Variants in BCL9 observed in about 807,000 individuals in gnomAD.
BCL9 encodes the protein BCL9 transcription coactivator, also known as B-cell CLL/lymphoma 9 protein.
A neutral mutation model predicts 88.5 loss-of-function variants in BCL9; 25 were observed. The ratio of observed to expected loss-of-function variants is 0.28; its 90% CI spans 0.21 to 0.39. The LOEUF is 0.39. BCL9 is among the 10% of genes least tolerant of loss of function. The pLI, the probability that BCL9 is intolerant of heterozygous loss-of-function variation, is 1.00. For missense variants in BCL9, 1,817 were observed against 1,877.8 expected, an observed-to-expected ratio of 0.97 and a Z score of 0.60; for synonymous variants, 711 against 673.3, an observed-to-expected ratio of 1.06 and a Z score of -0.87.
intron 7 of BCL9, 75 bp from the exon 8 acceptor site, chr1:147,618,741 A>G: frequency 2.9e-6 from 4 of 1,365,802 alleles, no homozygotes; most frequent in Non-Finnish European, 3.9e-6. Flanking sequence ...CAATTCCTTT[A>G]TAACATATCT....
At chr1:147,549,047 G>C (rs1198813462) in intron 1 of BCL9, among the ~76,000 whole-genome samples, 1 of 132,904 alleles carries the variant, frequency 7.5e-6, no homozygotes, top group East Asian at 2.2e-4. Flanking sequence ...TGAGATCTCG[G>C]CTCACTGCAA....
rs587761744 is a variant in BCL9 at position 147,570,928 on chromosome 1, C to T, written c.-478+29254C>T. Among the ~76,000 whole-genome samples, 7 of 152,044 alleles carry T rather than the reference C, an allele frequency of 4.6e-5. No individual in the cohort carries two copies. The South Asian group carries it at 1.5e-3, about 32-fold the overall frequency. ...GGGATTACAGGTGTGAGCCACTGTG[C>T]CCAGCCCATTGACTGATTTTCTTTT... On this transcript the variant is annotated intron_variant, in intron 1 of 9. Transcript: ENST00000234739.
rs113175238 is a variant in BCL9, at chr1:147,554,935, A to C, written c.-478+13261A>C. ...TACACACCACCTTTCTTTCTCTTCA[A>C]TCTCCTACTTCTTAATGATCTTGGC... On this transcript the variant is annotated intron_variant, in intron 1 of 9. Transcript: ENST00000234739. 7.4e-3 allele frequency among the ~76,000 whole-genome samples: 1,124 copies of C among 152,150 alleles called. 12 individuals carry two copies. The highest frequency in any genetic ancestry group is 0.025 in the African/African-American group (1,031 of 41,496).
At chr1:147,598,585 C>A (rs1453064045) in intron 1 of BCL9, among the ~76,000 whole-genome samples, 1 of 152,168 alleles carries the variant, frequency 6.6e-6, no homozygotes, top group Admixed American at 6.5e-5. Flanking sequence ...GGAATAAGTA[C>A]CCTGGTTAAA....
intron 1 of BCL9, among the ~76,000 whole-genome samples, chr1:147,602,118 C>T (rs902543831): frequency 1.3e-5 from 2 of 151,818 alleles, no homozygotes; most frequent in Non-Finnish European, 2.9e-5. Flanking sequence ...CCAGGGTGGT[C>T]TCGAGCTCCT....
In BCL9 at chr1:147,600,463, G is replaced by C. The variant is rs1192174754; in HGVS notation, c.-477-4314G>C. 2.0e-5 allele frequency: 3 copies of C among 151,986 alleles called. No individual in the cohort carries two copies. In the East Asian group the frequency reaches 5.9e-4, roughly 30 times the overall value. 9.4% of individuals were successfully genotyped at this position (151,986 alleles called of 1,614,324 possible). On this transcript the variant is annotated intron_variant, in intron 1 of 9. Transcript: ENST00000234739. ...TAGCCACAGCCGCGAAGAGCGGGGTGGAGGGGGGCAGAAAAGGGGCGGGGG... is the reference window on the plus strand; with the variant it reads ...TAGCCACAGCCGCGAAGAGCGGGGTCGAGGGGGGCAGAAAAGGGGCGGGGG...
rs1553204778 is a variant in BCL9 at position 147,619,840 on chromosome 1, T to A, written c.1685T>A (p.Leu562His). ...HPNMPGSQMR[L>H]PGFAGMINSE... is the part of the protein sequence containing the mutation. Reference sequence around the variant, plus strand: ...AACATGCCAGGGAGCCAGATGCGCCTCCCTGGATTTGCAGGCATGATAAAC... The same window carrying A: ...AACATGCCAGGGAGCCAGATGCGCCACCCTGGATTTGCAGGCATGATAAAC... Residue 562 changes from leucine (L) to histidine (H), a missense_variant, in exon 8 of 10, where the codon CTC (leucine) becomes CAC (histidine). Transcript: ENST00000234739. This position sits in a 1 kb window ranked among gnomAD's most constrained non-coding sequence, Gnocchi z 4.1. The A allele has an allele frequency of 2.5e-6, 4 of 1,614,126 alleles. No homozygotes were observed. The highest frequency in any genetic ancestry group is 3.4e-6 in the Non-Finnish European group (4 of 1,180,002).
intron 1 of BCL9, among the ~76,000 whole-genome samples, chr1:147,543,470 G>T (rs1654422182): frequency 6.6e-6 from 1 of 152,214 alleles, no homozygotes; most frequent in African/African-American, 2.4e-5. Flanking sequence ...TATGGGAAAA[G>T]CTGAAGGAAA....
intron 3 of BCL9, 91 bp from the exon 4 acceptor site, chr1:147,611,487 T>C (rs950829845): frequency 3.2e-6 from 1 of 310,938 alleles, no homozygotes; most frequent in African/African-American, 2.1e-5. Flanking sequence ...CTTCGCTGAG[T>C]TGGCTAGTGC....
intron 8 of BCL9, 100 bp downstream of exon 8, chr1:147,621,157 G>A (rs781964175): frequency 7.7e-6 from 10 of 1,292,414 alleles, no homozygotes; most frequent in Non-Finnish European, 1.1e-5. Context: ...CACAGACAGA[G>A]GAGGCAGTCT....
chr1:147,563,851 A>G (rs973190320), intron 1 of BCL9, among the ~76,000 whole-genome samples: 2 of 152,258 alleles, frequency 1.3e-5, no homozygotes, highest in Admixed American at 1.3e-4. Flanking sequence ...GTCACACATT[A>G]TCTCATTTAA....
chr1:147,585,515 T>C (rs773215955), intron 1 of BCL9, among the ~76,000 whole-genome samples: 19 of 152,170 alleles, frequency 1.2e-4, no homozygotes, highest in Admixed American at 2.0e-4. Flanking sequence ...AATTGCTATG[T>C]AGTCCAGGCC....
rs1413767761 is a variant in BCL9, at chr1:147,619,986, A to G, written c.1831A>G (p.Ile611Val). The G allele has an allele frequency of 4.3e-6, 7 of 1,613,880 alleles. No homozygotes were observed. Among genetic ancestry groups the G allele is most frequent in the Non-Finnish European group, 4.2e-6 (5 of 1,179,900 alleles). ...DGRNFPPGQG[I>V]FSGPGRGERF... ...TCGAAATTTTCCTCCTGGCCAGGGC[A>G]TTTTCAGCGGTCCTGGCCGAGGGGA... is the stretch of plus-strand genomic sequence containing the variant. Residue 611 changes from isoleucine (I) to valine (V), a missense_variant, in exon 8 of 10, where the codon ATT (isoleucine) becomes GTT (valine). By Grantham distance (29) the Ile-to-Val change is conservative (BLOSUM62 3). Coordinates refer to ENST00000234739, the MANE Select transcript of BCL9 (RefSeq NM_004326.4). The surrounding 1 kb of genome is among the most constrained non-coding windows in gnomAD (Gnocchi z 4.1).
intron 1 of BCL9, among the ~76,000 whole-genome samples, chr1:147,581,459 G>A (rs1041530094): frequency 6.6e-6 from 1 of 152,200 alleles, no homozygotes; most frequent in Non-Finnish European, 1.5e-5. Flanking sequence ...TTGGAAGAGA[G>A]AAGTCATACT....
At position 147,620,617 on chromosome 1, in the gene BCL9, C is replaced by G; in HGVS notation, c.2462C>G (p.Pro821Arg). The G allele has an allele frequency of 6.2e-7, 1 of 1,614,212 alleles. No homozygotes were observed. The highest frequency in any genetic ancestry group is 1.1e-5 in the South Asian group (1 of 91,088). The change falls in exon 8 of 10, where the codon CCT becomes CGT. Residue 821 changes from proline (P) to arginine (R), a missense_variant. By Grantham distance (103) the Pro-to-Arg change is moderately radical (BLOSUM62 -2). Coordinates refer to ENST00000234739, the MANE Select transcript of BCL9 (RefSeq NM_004326.4). The stretch of plus-strand genomic sequence containing the variant: ...CGGCTCAGTCATATGCCACCACTAC[C>G]TCTCAACCCTTCCAGTAACCCCACC... ...NSRLSHMPPL[P>R]LNPSSNPTSL...
rs1372476061 is a variant in BCL9 at position 147,619,675 on chromosome 1, C to G, written c.1520C>G (p.Pro507Arg). The G allele has an allele frequency of 1.9e-6, 3 of 1,613,974 alleles. No homozygotes were observed. The highest frequency in any genetic ancestry group is 2.7e-5 in the African/African-American group (2 of 74,920). The change falls in exon 8 of 10, where the codon CCT becomes CGT. Residue 507 changes from proline (P) to arginine (R), a missense_variant. Physicochemically the swap from Pro to Arg is moderately radical, Grantham distance 103. Around this residue, in one of 2 missense-constraint regions of BCL9, gnomAD observed 1,228 missense variants for 1,191.6 expected, o/e 1.03. Coordinates refer to ENST00000234739, the MANE Select transcript of BCL9 (RefSeq NM_004326.4). The surrounding 1 kb of genome is among the most constrained non-coding windows in gnomAD (Gnocchi z 4.1). ...LQDMMVHQHGPRGVVRGPPPP... is the reference protein window; with the variant it reads ...LQDMMVHQHGRRGVVRGPPPP... ...GACATGATGGTCCATCAGCACGGGC[C>G]TCGGGGAGTGGTCCGAGGACCCCCC...
intron 1 of BCL9, among the ~76,000 whole-genome samples, chr1:147,603,278 A>G (rs986126711): frequency 1.2e-4 from 19 of 152,204 alleles, no homozygotes; most frequent in Non-Finnish European, 1.5e-5. Context: ...AGACAGTAAT[A>G]GTGATGACAA....
intron 1 of BCL9, among the ~76,000 whole-genome samples, chr1:147,552,303 G>C (rs984833651): frequency 6.6e-6 from 1 of 152,118 alleles, no homozygotes; most frequent in Non-Finnish European, 1.5e-5. Flanking sequence ...AAGTAGCATT[G>C]TAATGACTGA....
intron 2 of BCL9, among the ~76,000 whole-genome samples, chr1:147,605,180 A>G (rs1164892399): frequency 2.6e-5 from 4 of 152,308 alleles, no homozygotes; most frequent in Admixed American, 2.0e-4. Context: ...TATTTATCAT[A>G]CCATCGTTGT....
Sources: gnomAD v4.1 joint callset for allele counts (sites outside exome capture counted in the v4.1 genomes callset) on GRCh38, gnomAD v4.1.1 for gene constraint, gnomAD v4.1.1 regional missense constraint, Gnocchi (gnomAD v3.1) non-coding constraint, MANE v1.5 for transcripts, NCBI Gene and HGNC (gene_info 2026-07-23, HGNC 2026-07-21) for gene names.